Variants in FAM162B observed in about 807,000 individuals in gnomAD.
FAM162B encodes protein FAM162B.
Under a neutral mutation model 20.0 loss-of-function variants are expected in FAM162B, and 16 were observed. That is an observed-to-expected ratio of 0.80 (90% CI 0.54 to 1.21). The LOEUF (loss-of-function observed/expected upper bound fraction) is 1.21, where lower values mean the gene tolerates loss of function less well. FAM162B is among the 50% of genes most tolerant of loss of function. The probability of loss-of-function intolerance (pLI) is 0.00; values close to 1 mark genes in which losing one functional copy is unlikely to be tolerated. For missense variants in FAM162B, 260 were observed against 227.5 expected (o/e 1.14, Z -0.92); for synonymous variants, 83 against 89.7 (o/e 0.93, Z 0.42).
At chr6:116,764,996 G>C in intron 2 of FAM162B, 151 bp downstream of exon 2, 1 of 683,534 alleles carries the variant, frequency 1.5e-6, no homozygotes, top group Non-Finnish European at 2.6e-6. Flanking sequence ...GGGTGTGTGT[G>C]TGGGTAAACT....
chr6:116,764,166 A>T (rs1348429267), intron 2 of FAM162B, among the ~76,000 whole-genome samples: 1 of 152,242 alleles, frequency 6.6e-6, no homozygotes, highest in Admixed American at 6.5e-5. Context: ...TTTATAAACA[A>T]TAACATGGCA....
At position 116,765,335 on chromosome 6, in the gene FAM162B, G is replaced by A. The variant is rs891371710; in HGVS notation, c.172+70C>T. 5 of 1,546,404 alleles carry A rather than the reference G, an allele frequency of 3.2e-6. No individual in the cohort carries two copies. The African/African-American group carries it at 5.5e-5, about 17-fold the overall frequency. On this transcript the variant is annotated intron_variant, in intron 1 of 3. Coordinates refer to ENST00000368557, the MANE Select transcript of FAM162B (RefSeq NM_001085480.3). ...TCAGCGCGCCCTCAAGCCGACTCCC[G>A]GGCCGGCCCCTCGCTGCCCTCCCGC...
intron 3 of FAM162B, among the ~76,000 whole-genome samples, chr6:116,756,255 A>C (rs983846427): frequency 2.0e-5 from 3 of 152,208 alleles, no homozygotes; most frequent in Admixed American, 2.0e-4. Context: ...AGCTGATTCC[A>C]ATCCTCATAG....
At position 116,761,973 on chromosome 6, in the gene FAM162B, T is replaced by A; in HGVS notation, c.390+4A>T. On this transcript the variant is annotated splice_donor_region_variant and intron_variant, in intron 3 of 3. Coordinates refer to ENST00000368557, the MANE Select transcript of FAM162B (RefSeq NM_001085480.3). Reference sequence around the variant, plus strand: ...CTGACTTGCCCTTTTAAGGAGATACTCACCCTTTTGGCTGACACTATCACA... The same window carrying A: ...CTGACTTGCCCTTTTAAGGAGATACACACCCTTTTGGCTGACACTATCACA... 1 of 1,583,400 alleles carries A rather than the reference T, an allele frequency of 6.3e-7. No homozygotes were observed. Among genetic ancestry groups the A allele is most frequent in the Non-Finnish European group, 8.6e-7 (1 of 1,157,346 alleles).
At chr6:116,756,626 A>G (rs1226938606) in intron 3 of FAM162B, among the ~76,000 whole-genome samples, 1 of 152,224 alleles carries the variant, frequency 6.6e-6, no homozygotes, top group East Asian at 1.9e-4. Flanking sequence ...TGCCTGCTAC[A>G]TGGAAATCTT....
chr6:116,759,241 C>T (rs1010725385), intron 3 of FAM162B, among the ~76,000 whole-genome samples: 1 of 150,832 alleles, frequency 6.6e-6, no homozygotes, highest in African/African-American at 2.4e-5. Flanking sequence ...TTCTTACGTG[C>T]CTTACCTTTT....
intron 3 of FAM162B, among the ~76,000 whole-genome samples, chr6:116,755,918 G>T (rs1780046005): frequency 6.6e-6 from 1 of 152,068 alleles, no homozygotes; most frequent in African/African-American, 2.4e-5. Context: ...GAAAAAAAAA[G>T]ATTCCTTTCA....
chr6:116,762,989 G>GA (rs927905190), intron 2 of FAM162B, among the ~76,000 whole-genome samples: 7 of 149,820 alleles, frequency 4.7e-5, no homozygotes, highest in South Asian at 4.2e-4. Flanking sequence ...TAGTTACATT[G>GA]AAAAAAAAAA....
chr6:116,756,934 C>T (rs987629367), intron 3 of FAM162B, among the ~76,000 whole-genome samples: 2 of 152,116 alleles, frequency 1.3e-5, no homozygotes, highest in African/African-American at 4.8e-5. Context: ...ATTTCAATAC[C>T]ATTAGAATAG....
intron 3 of FAM162B, among the ~76,000 whole-genome samples, chr6:116,753,617 T>C (rs1192172791): frequency 6.6e-6 from 1 of 152,114 alleles, no homozygotes; most frequent in African/African-American, 2.4e-5. Context: ...CACGTTAAGT[T>C]TGAGATTCCA....
At chr6:116,752,725 T>TAG in intron 3 of FAM162B, 30 bp from the exon 4 acceptor site, 4 of 643,064 alleles carry the variant, frequency 6.2e-6, no homozygotes, top group South Asian at 3.3e-5. Flanking sequence ...TATATATATA[T>TAG]ATATATATAG....
intron 2 of FAM162B, among the ~76,000 whole-genome samples, chr6:116,762,639 T>C (rs1489425156): frequency 1.3e-5 from 2 of 152,162 alleles, no homozygotes; most frequent in African/African-American, 4.8e-5. Flanking sequence ...GCTTTTGCAA[T>C]AATTTTTTGT....
At chr6:116,752,726 AT>A in intron 3 of FAM162B, 31 bp from the exon 4 acceptor site, 1 of 632,200 alleles carries the variant, frequency 1.6e-6, no homozygotes, top group Non-Finnish European at 2.3e-6. Context: ...ATATATATAT[AT>A]ATATATAGAT....
chr6:116,761,753 C>T lies in FAM162B; in HGVS notation c.390+224G>A, dbSNP rs991025784. 4.1e-5 allele frequency among the ~76,000 whole-genome samples: 6 copies of T among 146,080 alleles called. No homozygotes were observed. The highest frequency in any genetic ancestry group is 2.0e-4 in the East Asian group (1 of 5,074). ...ATATATACACACACACACACACACA[C>T]ATATATATATATATGACTTCAAGTC... On this transcript the variant is annotated intron_variant, in intron 3 of 3. Transcript: ENST00000368557.
chr6:116,756,996 C>T (rs2114548463), intron 3 of FAM162B, among the ~76,000 whole-genome samples: 1 of 152,198 alleles, frequency 6.6e-6, no homozygotes, highest in Middle Eastern at 3.4e-3. Context: ...TACATGGCGT[C>T]TTTAAATACT....
intron 3 of FAM162B, among the ~76,000 whole-genome samples, chr6:116,755,319 A>G (rs1056044594): frequency 1.5e-5 from 2 of 134,988 alleles, no homozygotes; most frequent in Non-Finnish European, 3.2e-5. Context: ...TGGTCTGGAA[A>G]GAAGATCAAA....
chr6:116,760,654 T>C (rs1239632709), intron 3 of FAM162B, among the ~76,000 whole-genome samples: 1 of 152,192 alleles, frequency 6.6e-6, no homozygotes. Context: ...CATTTAACGT[T>C]AGGTTAAAAA....
chr6:116,758,039 A>C (rs1264541468), intron 3 of FAM162B, among the ~76,000 whole-genome samples: 1 of 152,216 alleles, frequency 6.6e-6, no homozygotes, highest in Non-Finnish European at 1.5e-5. Context: ...AAAAAATGAT[A>C]CAGTAGAGAA....
intron 3 of FAM162B, among the ~76,000 whole-genome samples, chr6:116,759,640 G>C (rs1484312942): frequency 6.6e-6 from 1 of 152,126 alleles, no homozygotes; most frequent in African/African-American, 2.4e-5. Flanking sequence ...TGAATAAAGA[G>C]GAGAGTGAAA....
Sources: gnomAD v4.1 joint callset for allele counts (sites outside exome capture counted in the v4.1 genomes callset) on GRCh38, gnomAD v4.1.1 for gene constraint, MANE v1.5 for transcripts, NCBI Gene and HGNC (gene_info 2026-07-23, HGNC 2026-07-21) for gene names.